GRM5: variants seen among roughly 807,000 people sequenced by gnomAD.
GRM5 encodes the protein glutamate metabotropic receptor 5.
A neutral mutation model predicts 83.1 loss-of-function variants in GRM5; 19 were observed. That is an observed-to-expected ratio of 0.23 (90% CI 0.16 to 0.34). The LOEUF is 0.34. Among genes scored for constraint, GRM5 ranks in the 10% least tolerant of loss-of-function variants. GRM5 has a pLI of 1.00. For synonymous variants in GRM5, 675 were observed against 633.6 expected, an observed-to-expected ratio of 1.07 and a Z score of -0.98; for missense variants, 1,160 against 1,588.3, an observed-to-expected ratio of 0.73 and a Z score of 4.58.
chr11:88,531,285 A>G (rs1054673382), intron 8 of GRM5, among the ~76,000 whole-genome samples: 1 of 152,110 alleles, frequency 6.6e-6, no homozygotes, highest in African/African-American at 2.4e-5. Flanking sequence ...AATTTAAGAA[A>G]ACAACAGTAA....
chr11:88,723,828 T>C (rs1024527120), intron 3 of GRM5, among the ~76,000 whole-genome samples: 1 of 152,156 alleles, frequency 6.6e-6, no homozygotes, highest in Non-Finnish European at 1.5e-5. Context: ...CTTTGTTCAC[T>C]TGGCAGCCAG....
chr11:88,647,543 A>C (rs1939498901), intron 4 of GRM5, among the ~76,000 whole-genome samples: 2 of 152,144 alleles, frequency 1.3e-5, no homozygotes, highest in African/African-American at 4.8e-5. Flanking sequence ...CTAAAACCAT[A>C]AAAACCCTAG....
At chr11:88,566,261 T>C (rs1446768017) in intron 8 of GRM5, among the ~76,000 whole-genome samples, 1 of 152,208 alleles carries the variant, frequency 6.6e-6, no homozygotes, top group Non-Finnish European at 1.5e-5. Context: ...ACTGATAACA[T>C]GATCTTGTCT....
chr11:88,843,874 A>T (rs759898198), intron 3 of GRM5, among the ~76,000 whole-genome samples: 1 of 152,234 alleles, frequency 6.6e-6, no homozygotes, highest in Non-Finnish European at 1.5e-5. Flanking sequence ...CAAGAGCAAG[A>T]TCTTAACTCT....
At chr11:88,544,108 C>T (rs1942338905) in intron 8 of GRM5, among the ~76,000 whole-genome samples, 1 of 152,146 alleles carries the variant, frequency 6.6e-6, no homozygotes, top group Non-Finnish European at 1.5e-5. Context: ...CATACACATG[C>T]TCTCTTGCCC....
intron 3 of GRM5, among the ~76,000 whole-genome samples, chr11:88,689,623 C>T (rs1020152667): frequency 1.3e-5 from 2 of 152,196 alleles, no homozygotes; most frequent in Non-Finnish European, 2.9e-5. Flanking sequence ...CCCTAAGACA[C>T]TGTTGTTTTC....
Position 88,508,836 on chromosome 11 carries a change from C to T in GRM5, c.3395G>A (p.Gly1132Glu). The change falls in exon 10 of 10, where the codon GGG (glycine) becomes GAG (glutamate). Residue 1132 changes from glycine (G) to glutamate (E), a missense_variant. Around this residue, in one of 9 missense-constraint regions of GRM5, gnomAD observed 562 missense variants for 532.4 expected, o/e 1.06. Transcript: ENST00000305447. This position sits in a 1 kb window ranked among gnomAD's most constrained non-coding sequence, Gnocchi z 4.2. ...GGCCGCGTCCCCAGCCGCCTGCGCC[C>T]CTGCCGCGGGCTGCGCGCCTCCCGT... ...EVTGGAQPAA[G>E]AQAAGDAARE... The T allele has an allele frequency of 5.8e-6, 9 of 1,546,882 alleles. No homozygotes were observed. The highest frequency in any genetic ancestry group is 1.2e-5 in the South Asian group (1 of 83,612).
At chr11:88,779,101 C>G (rs912567745) in intron 3 of GRM5, among the ~76,000 whole-genome samples, 2 of 152,192 alleles carry the variant, frequency 1.3e-5, no homozygotes, top group Non-Finnish European at 2.9e-5. Flanking sequence ...GAGCAATTTG[C>G]TTAAGCAACC....
At chr11:89,056,096 T>C (rs550810785) in intron 1 of GRM5, among the ~76,000 whole-genome samples, 6 of 152,214 alleles carry the variant, frequency 3.9e-5, no homozygotes, top group Non-Finnish European at 7.4e-5. Flanking sequence ...AGGTTATTTA[T>C]AGATTTGTCT....
intron 2 of GRM5, among the ~76,000 whole-genome samples, chr11:89,041,740 T>C (rs754127120): frequency 2.6e-5 from 4 of 152,210 alleles, no homozygotes; most frequent in Non-Finnish European, 4.4e-5. Flanking sequence ...AACTGTTTCT[T>C]TACAATTAGA....
At chr11:88,726,838 C>T (rs2648637) in intron 3 of GRM5, among the ~76,000 whole-genome samples, 3 of 152,134 alleles carry the variant, frequency 2.0e-5, no homozygotes, top group African/African-American at 7.2e-5. Context: ...CAAGCAAATG[C>T]TGAGAGATGT....
chr11:88,851,287 T>C (rs1394767810), intron 2 of GRM5, among the ~76,000 whole-genome samples: 1 of 152,180 alleles, frequency 6.6e-6, no homozygotes, highest in East Asian at 1.9e-4. Context: ...GGGGATTGCT[T>C]TGAAGAATAC....
chr11:88,998,537 C>T (rs1940267927), intron 2 of GRM5, among the ~76,000 whole-genome samples: 1 of 152,126 alleles, frequency 6.6e-6, no homozygotes, highest in African/African-American at 2.4e-5. Flanking sequence ...GCAAGGCTGA[C>T]CAATCTTCCC....
chr11:88,522,024 C>G (rs1482626283), intron 9 of GRM5, among the ~76,000 whole-genome samples: 3 of 152,172 alleles, frequency 2.0e-5, no homozygotes, highest in African/African-American at 7.2e-5. Flanking sequence ...ACAAAACAGG[C>G]AAATGAGATG....
chr11:88,638,564 G>A (rs934344281), intron 4 of GRM5, among the ~76,000 whole-genome samples: 1 of 152,008 alleles, frequency 6.6e-6, no homozygotes, highest in East Asian at 1.9e-4. Flanking sequence ...ATTGATGTCT[G>A]TTTTTCCTTA....
At chr11:89,053,524 C>T (rs4438032) in intron 1 of GRM5, among the ~76,000 whole-genome samples, 3 of 152,074 alleles carry the variant, frequency 2.0e-5, no homozygotes. Context: ...AATGTTTATT[C>T]AGTAGCACAC....
chr11:89,026,248 C>T (rs759752356), intron 2 of GRM5, among the ~76,000 whole-genome samples: 5 of 152,128 alleles, frequency 3.3e-5, no homozygotes, highest in Non-Finnish European at 7.4e-5. Context: ...AATCTGTACA[C>T]CAAGCACCCA....
chr11:89,064,549 AGT>A (rs1358036170), intron 1 of GRM5, among the ~76,000 whole-genome samples: 3 of 152,090 alleles, frequency 2.0e-5, no homozygotes, highest in Non-Finnish European at 4.4e-5. Context: ...ATATTTTATG[AGT>A]GTTCTTACTT....
At chr11:89,046,657 A>G (rs1941648593) in intron 2 of GRM5, among the ~76,000 whole-genome samples, 2 of 152,242 alleles carry the variant, frequency 1.3e-5, no homozygotes, top group Non-Finnish European at 2.9e-5. Flanking sequence ...ATACAAGGAT[A>G]AAATTAATTT....
Sources: gnomAD v4.1 joint callset for allele counts (sites outside exome capture counted in the v4.1 genomes callset) on GRCh38, gnomAD v4.1.1 for gene constraint, gnomAD v4.1.1 regional missense constraint, Gnocchi (gnomAD v3.1) non-coding constraint, MANE v1.5 for transcripts, NCBI Gene and HGNC (gene_info 2026-07-23, HGNC 2026-07-21) for gene names.